CDH13: variants seen among roughly 807,000 people sequenced by gnomAD.
The protein encoded by CDH13 is cadherin 13.
A neutral mutation model predicts 63.8 loss-of-function variants in CDH13; 24 were observed. That is an observed-to-expected ratio of 0.38 (90% CI 0.27 to 0.53). The LOEUF is 0.53. Ranked by LOEUF, CDH13 falls within the 20% of genes least tolerant of loss-of-function variation. The pLI, the probability that CDH13 is intolerant of heterozygous loss-of-function variation, is 0.85. For synonymous variants in CDH13, 503 were observed against 355.3 expected, an observed-to-expected ratio of 1.42 and a Z score of -4.67; for missense variants, 1,049 against 903.1, an observed-to-expected ratio of 1.16 and a Z score of -2.07.
At chr16:83,304,581 A>G (rs1312874185) in intron 5 of CDH13, among the ~76,000 whole-genome samples, 4 of 152,208 alleles carry the variant, frequency 2.6e-5, no homozygotes, top group African/African-American at 9.7e-5. Context: ...TCCTCGATAC[A>G]TATGGGATCT....
rs573773066 is a variant in CDH13, at chr16:83,274,402, C to T, written c.636+56905C>T. On this transcript the variant is annotated intron_variant, in intron 5 of 13. Coordinates refer to ENST00000567109, the MANE Select transcript of CDH13 (RefSeq NM_001257.5). ...CCTGCCACTCATTATTTGGCTCCTA[C>T]CCTGAGTGATCCCTTGCCTCCCTCA... Among the ~76,000 whole-genome samples, 21 of 152,286 alleles carry T rather than the reference C, an allele frequency of 1.4e-4. No individual in the cohort carries two copies. In the South Asian group the frequency reaches 4.2e-3, roughly 30 times the overall value.
At chr16:82,915,648 T>C (rs2041963466) in intron 2 of CDH13, among the ~76,000 whole-genome samples, 1 of 151,796 alleles carries the variant, frequency 6.6e-6, no homozygotes, top group Non-Finnish European at 1.5e-5. Flanking sequence ...AGGGCTGTGG[T>C]CTTATCTACT....
intron 2 of CDH13, among the ~76,000 whole-genome samples, chr16:83,001,820 A>G (rs1328677470): frequency 6.6e-6 from 1 of 152,226 alleles, no homozygotes; most frequent in Non-Finnish European, 1.5e-5. Flanking sequence ...GGAGAAGATC[A>G]CTTTTGACTG....
At chr16:83,774,307 C>T (rs1914960266) in intron 11 of CDH13, among the ~76,000 whole-genome samples, 1 of 152,046 alleles carries the variant, frequency 6.6e-6, no homozygotes, top group African/African-American at 2.4e-5. Context: ...TCATTTCCAG[C>T]AAGCAAAATA....
At chr16:82,789,279 C>G (rs779147919) in intron 1 of CDH13, among the ~76,000 whole-genome samples, 2 of 152,172 alleles carry the variant, frequency 1.3e-5, no homozygotes, top group Non-Finnish European at 2.9e-5. Context: ...ACACAAAGAA[C>G]TAATTCAGTC....
At chr16:82,828,003 C>G (rs974803793) in intron 1 of CDH13, among the ~76,000 whole-genome samples, 1 of 152,090 alleles carries the variant, frequency 6.6e-6, no homozygotes, top group Non-Finnish European at 1.5e-5. Flanking sequence ...GTCTCACACT[C>G]CGGGAAACCT....
At chr16:83,539,654 C>T (rs1228850863) in intron 7 of CDH13, among the ~76,000 whole-genome samples, 1 of 152,184 alleles carries the variant, frequency 6.6e-6, no homozygotes, top group African/African-American at 2.4e-5. Context: ...AGAGCATTTT[C>T]TACGTGTCAC....
chr16:82,981,762 C>A (rs1049290484), intron 2 of CDH13, among the ~76,000 whole-genome samples: 10 of 152,210 alleles, frequency 6.6e-5, no homozygotes, highest in Non-Finnish European at 1.5e-4. Context: ...GCCTTTGCTG[C>A]AACATTGTGC....
At chr16:83,384,723 C>G (rs2091638848) in intron 6 of CDH13, among the ~76,000 whole-genome samples, 2 of 152,302 alleles carry the variant, frequency 1.3e-5, no homozygotes, top group Middle Eastern at 3.4e-3. Flanking sequence ...GGCAAAAGGC[C>G]TCATGTGGAT....
intron 7 of CDH13, among the ~76,000 whole-genome samples, chr16:83,600,128 C>T (rs1907643228): frequency 6.6e-6 from 1 of 152,168 alleles, no homozygotes; most frequent in Non-Finnish European, 1.5e-5. Flanking sequence ...TACCAGAATT[C>T]TTGAACCAGG....
At chr16:83,701,406 A>G (rs1166151341) in intron 10 of CDH13, among the ~76,000 whole-genome samples, 2 of 152,172 alleles carry the variant, frequency 1.3e-5, no homozygotes, top group African/African-American at 4.8e-5. Flanking sequence ...GTCCACACGT[A>G]TCCATGCGGT....
chr16:83,532,043 G>C (rs555365887), intron 7 of CDH13, among the ~76,000 whole-genome samples: 1 of 152,166 alleles, frequency 6.6e-6, no homozygotes, highest in Non-Finnish European at 1.5e-5. Flanking sequence ...GCTTGTGATA[G>C]TGAGGAAGTC....
chr16:82,916,569 GTC>G, intron 2 of CDH13, among the ~76,000 whole-genome samples: 1 of 135,716 alleles, frequency 7.4e-6, no homozygotes, highest in African/African-American at 2.6e-5. Flanking sequence ...GTGAGACTCT[GTC>G]TCAAAAAAAA....
chr16:83,159,943 G>A (rs905288872), intron 4 of CDH13, among the ~76,000 whole-genome samples: 7 of 152,082 alleles, frequency 4.6e-5, no homozygotes, highest in African/African-American at 1.7e-4. Context: ...GGGCATGGTG[G>A]TGCATACCTG....
intron 2 of CDH13, among the ~76,000 whole-genome samples, chr16:83,024,116 T>A (rs1915590299): frequency 6.6e-6 from 1 of 152,134 alleles, no homozygotes; most frequent in East Asian, 1.9e-4. Context: ...AGGCATGAAT[T>A]TGTCTAACTG....
chr16:83,478,643 C>A (rs1226641999), intron 6 of CDH13, among the ~76,000 whole-genome samples: 1 of 152,082 alleles, frequency 6.6e-6, no homozygotes, highest in Non-Finnish European at 1.5e-5. Context: ...CCAGACCTTG[C>A]CTTAGGCCTA....
intron 5 of CDH13, among the ~76,000 whole-genome samples, chr16:83,322,722 T>C (rs1355384234): frequency 1.3e-5 from 2 of 152,092 alleles, no homozygotes; most frequent in African/African-American, 2.4e-5. Context: ...CTTTTACTAA[T>C]GTATTCAGGT....
intron 2 of CDH13, among the ~76,000 whole-genome samples, chr16:82,868,971 A>G (rs2040250401): frequency 6.6e-6 from 1 of 152,234 alleles, no homozygotes; most frequent in Non-Finnish European, 1.5e-5. Context: ...AATTAATATT[A>G]TAATGGCAGC....
intron 4 of CDH13, among the ~76,000 whole-genome samples, chr16:83,131,922 G>C (rs1266877183): frequency 6.6e-6 from 1 of 152,136 alleles, no homozygotes; most frequent in African/African-American, 2.4e-5. Flanking sequence ...ACTCAACCAG[G>C]ACTCCGCTTT....
Sources: allele counts gnomAD v4.1 joint callset (sites outside exome capture counted in the v4.1 genomes callset), GRCh38; gene constraint gnomAD v4.1.1; transcripts MANE v1.5; gene names NCBI Gene and HGNC (gene_info 2026-07-23, HGNC 2026-07-21).